The following DENND2B variants were observed in gnomAD, a reference collection of about 807,000 sequenced individuals.
The protein encoded by DENND2B is DENN domain containing 2B, also known as DENN domain-containing protein 2B.
Under a neutral mutation model 116.0 loss-of-function variants are expected in DENND2B, and 32 were observed. That is an observed-to-expected ratio of 0.28 (90% CI 0.21 to 0.37). The LOEUF is 0.37. DENND2B is among the 10% of genes least tolerant of loss of function. The pLI, the probability that DENND2B is intolerant of heterozygous loss-of-function variation, is 1.00. For synonymous variants in DENND2B, 588 were observed against 583.9 expected, an observed-to-expected ratio of 1.01 and a Z score of -0.10; for missense variants, 1,276 against 1,477.7, an observed-to-expected ratio of 0.86 and a Z score of 2.24.
intron 1 of DENND2B, among the ~76,000 whole-genome samples, chr11:8,787,519 G>A (rs1476383761): frequency 6.6e-6 from 1 of 152,184 alleles, no homozygotes. Context: ...AACTCAGCAG[G>A]AAGTGAACTC....
upstream of DENND2B, among the ~76,000 whole-genome samples, chr11:8,815,583 C>T (rs2061541705): frequency 6.6e-6 from 1 of 152,210 alleles, no homozygotes. Context: ...CTCTCCTTCC[C>T]CCACTAACAA....
intron 1 of DENND2B, among the ~76,000 whole-genome samples, chr11:8,801,689 A>AAAAAG (rs56084309): frequency 3.7e-4 from 43 of 117,682 alleles, no homozygotes; most frequent in South Asian, 2.8e-3. Flanking sequence ...AAAAAAAAAA[A>AAAAAG]AAAGAAAGAA....
At position 8,717,695 on chromosome 11, in the gene DENND2B, G is replaced by T. The variant is rs751540783; in HGVS notation, c.1629+46C>A. ...AGTCTTGGAAGAGCAGGCCCCCACT[G>T]TGGCCCTCACGCTAACCCTACAGGC... On this transcript the variant is annotated intron_variant, in intron 5 of 19. Coordinates refer to ENST00000313726, the MANE Select transcript of DENND2B (RefSeq NM_213618.2). 25 of 1,486,550 alleles carry T rather than the reference G, an allele frequency of 1.7e-5. 1 individual carries two copies. In the South Asian group the frequency reaches 3.2e-4, roughly 19 times the overall value. 92.1% of individuals were successfully genotyped at this position (1,486,550 alleles called of 1,614,324 possible).
At chr11:8,903,828 G>A (rs1253788832) in intron 1 of DENND2B, among the ~76,000 whole-genome samples, 1 of 143,026 alleles carries the variant, frequency 7.0e-6, no homozygotes. Context: ...AGTTGAGGCT[G>A]TAGTGAGCTG....
chr11:8,707,370 ACT>A lies in DENND2B; in HGVS notation c.2431-147_2431-146del. 2 of 1,062,384 alleles carry A rather than the reference ACT, an allele frequency of 1.9e-6. No individual in the cohort carries two copies. The highest frequency in any genetic ancestry group is 2.6e-6 in the Non-Finnish European group (2 of 761,658). The allele number at this position is 1,062,384 out of a possible 1,614,324, so 65.8% of individuals were successfully genotyped here. A position where few individuals can be genotyped will look rare whatever the true frequency, so the allele number is the denominator to read the frequency against. On this transcript the variant is annotated intron_variant, in intron 12 of 19. Transcript: ENST00000313726. This position sits in a 1 kb window ranked among gnomAD's most constrained non-coding sequence, Gnocchi z 4.8. ...AAGGTGGTCTTGCCATGATCTGCAC[ACT>A]CTACCCTTCCCGTTTTCCTTGGCAC...
chr11:8,898,068 CAT>C (rs999898066), intron 1 of DENND2B, among the ~76,000 whole-genome samples: 16 of 152,218 alleles, frequency 1.1e-4, no homozygotes, highest in African/African-American at 3.9e-4. Context: ...GCCATAGCCA[CAT>C]GGCCTTGACT....
rs549165405 is a variant in DENND2B, at chr11:8,730,591, G to A, written c.699C>T (p.Ser233=). ...KGLRRMSRTF[S]ECSYPETEEE... Reference sequence around the variant, plus strand: ...CCTCAGTCTCTGGGTAGGAACACTCGGAGAAGGTCCTGCTCATCCTCCGGA... The same window carrying A: ...CCTCAGTCTCTGGGTAGGAACACTCAGAGAAGGTCCTGCTCATCCTCCGGA... Residue 233 remains serine, a synonymous_variant, in exon 3 of 20, where the codon TCC becomes TCT. Coordinates refer to ENST00000313726, the MANE Select transcript of DENND2B (RefSeq NM_213618.2). The surrounding 1 kb of genome is among the most constrained non-coding windows in gnomAD (Gnocchi z 4.1). The A allele has an allele frequency of 1.9e-6, 3 of 1,613,148 alleles. No homozygotes were observed. The highest frequency in any genetic ancestry group is 1.1e-5 in the South Asian group (1 of 91,086).
At chr11:8,736,356 T>C (rs937109370) in intron 2 of DENND2B, among the ~76,000 whole-genome samples, 1 of 142,046 alleles carries the variant, frequency 7.0e-6, no homozygotes, top group Admixed American at 7.4e-5. Flanking sequence ...AGTGAGACCT[T>C]GTCTCAAAAG....
intron 1 of DENND2B, among the ~76,000 whole-genome samples, chr11:8,902,199 G>A (rs1005497642): frequency 3.9e-5 from 6 of 151,976 alleles, no homozygotes; most frequent in East Asian, 1.9e-4. Flanking sequence ...GGTGGCACGC[G>A]CCTGTAATCC....
Position 8,776,186 on chromosome 11 carries a change from A to ACACACACACACACACACACACC in DENND2B, c.-25-25462_-25-25461insGGTGTGTGTGTGTGTGTGTGTG, listed in dbSNP as rs761084725. ...CACACACACACACACACACACACACACCTACCTCTCTCCAGGCAGGACACC... is the reference window on the plus strand; with the variant it reads ...CACACACACACACACACACACACACACACACACACACACACACACACCCCTACCTCTCTCCAGGCAGGACACC... On this transcript the variant is annotated intron_variant, in intron 1 of 19. Coordinates refer to ENST00000313726, the MANE Select transcript of DENND2B (RefSeq NM_213618.2). 2.2e-4 allele frequency: 99 copies of ACACACACACACACACACACACC among 442,886 alleles called. 1 individual carries two copies. The highest frequency in any genetic ancestry group is 7.0e-4 in the Middle Eastern group (2 of 2,840). 27.4% of individuals were successfully genotyped at this position (442,886 alleles called of 1,614,324 possible). A position where few individuals can be genotyped will look rare whatever the true frequency, so the allele number is the denominator to read the frequency against.
Position 8,786,544 on chromosome 11 carries a change from C to T in DENND2B, c.-26+23973G>A, listed in dbSNP as rs117706243. Among the ~76,000 whole-genome samples, 1,147 of 152,286 alleles carry T rather than the reference C, an allele frequency of 7.5e-3. 8 individuals are homozygous for T. The highest frequency in any genetic ancestry group is 0.013 in the Non-Finnish European group (895 of 68,026). On this transcript the variant is annotated intron_variant, in intron 1 of 19. Coordinates refer to ENST00000313726, the MANE Select transcript of DENND2B (RefSeq NM_213618.2). ...GGATTAGGAAGGCCAGGCATGGTGG[C>T]TCATGCCTGTAATCCCAGCACTTTG...
At chr11:8,870,039 A>G (rs755769723) in intron 2 of DENND2B, among the ~76,000 whole-genome samples, 9 of 152,236 alleles carry the variant, frequency 5.9e-5, no homozygotes, top group Non-Finnish European at 1.3e-4. Context: ...GGCCAGTTGC[A>G]GTGTGTGCAG....
intron 1 of DENND2B, chr11:8,756,930 A>G: frequency 4.8e-6 from 2 of 416,784 alleles, no homozygotes; most frequent in South Asian, 3.4e-5. Flanking sequence ...TTAGAAAAGG[A>G]AATTGTTCAA....
intron 4 of DENND2B, among the ~76,000 whole-genome samples, chr11:8,724,967 C>T (rs1264488653): frequency 6.6e-6 from 1 of 152,256 alleles, no homozygotes; most frequent in Non-Finnish European, 1.5e-5. Context: ...GCCTTCTCCA[C>T]ACCGCCCCAT....
intron 1 of DENND2B, chr11:8,776,461 A>G: frequency 5.6e-6 from 2 of 354,672 alleles, no homozygotes; most frequent in South Asian, 2.1e-5. Flanking sequence ...ACACAGTCCT[A>G]CAGGCTCCTG....
At chr11:8,847,978 A>G (rs1188319225) in intron 3 of DENND2B, among the ~76,000 whole-genome samples, 1 of 152,210 alleles carries the variant, frequency 6.6e-6, no homozygotes, top group Admixed American at 6.5e-5. Context: ...AAAACAACAG[A>G]AGGATTTGCT....
chr11:8,850,915 C>T (rs2062982328), intron 3 of DENND2B, among the ~76,000 whole-genome samples: 1 of 152,108 alleles, frequency 6.6e-6, no homozygotes, highest in South Asian at 2.1e-4. Flanking sequence ...TTAAATGAAA[C>T]AAGCCAGGCA....
At chr11:8,863,257 CTTTTTTTTT>C (rs56359289) in intron 2 of DENND2B, among the ~76,000 whole-genome samples, 1 of 124,522 alleles carries the variant, frequency 8.0e-6, no homozygotes, top group Non-Finnish European at 1.7e-5. Flanking sequence ...ACGCCACTTT[CTTTTTTTTT>C]TTTTTTTTGA....
intron 4 of DENND2B, chr11:8,718,692 A>AG: frequency 3.4e-6 from 4 of 1,186,904 alleles, no homozygotes; most frequent in Non-Finnish European, 4.2e-6. Context: ...GGTGGGGGTG[A>AG]GGGGAGTTCT....
Sources: allele counts gnomAD v4.1 joint callset (sites outside exome capture counted in the v4.1 genomes callset), GRCh38; gene constraint gnomAD v4.1.1; non-coding constraint Gnocchi (gnomAD v3.1); transcripts MANE v1.5; gene names NCBI Gene and HGNC (gene_info 2026-07-23, HGNC 2026-07-21).